The following TGFB1I1 variants were observed in gnomAD, a reference collection of about 807,000 sequenced individuals.
The protein encoded by TGFB1I1 is transforming growth factor beta 1 induced transcript 1.
In TGFB1I1, 33 loss-of-function variants were observed where a neutral mutation model predicts 52.0. The observed-to-expected ratio is 0.63, with a 90% CI of 0.48 to 0.85. TGFB1I1 has a LOEUF of 0.85. Among genes scored for constraint, TGFB1I1 ranks in the 40% least tolerant of loss-of-function variants. The pLI is 0.00. For missense variants in TGFB1I1, 577 were observed against 614.9 expected (o/e 0.94, Z 0.65); for synonymous variants, 236 against 253.3 (o/e 0.93, Z 0.65).
rs1012139976 is a variant in TGFB1I1, at chr16:31,477,780, A to C, written c.*204A>C. On this transcript the variant is annotated 3_prime_UTR_variant, in exon 11 of 11. Transcript: ENST00000394863. The surrounding 1 kb of genome is among the most constrained non-coding windows in gnomAD (Gnocchi z 4.7). Reference sequence around the variant, plus strand: ...CACACGCCCACAAAGTGGATTGCACACAGACAAGAACTCCCGTGCGGGCCT... The same window carrying C: ...CACACGCCCACAAAGTGGATTGCACCCAGACAAGAACTCCCGTGCGGGCCT... 4 of 656,412 alleles carry C rather than the reference A, an allele frequency of 6.1e-6. No individual in the cohort carries two copies. Among genetic ancestry groups the C allele is most frequent in the Admixed American group, 6.3e-5 (2 of 31,754 alleles). The allele number at this position is 656,412 out of a possible 1,614,324, so 40.7% of individuals were successfully genotyped here. A position where few individuals can be genotyped will look rare whatever the true frequency, so the allele number is the denominator to read the frequency against.
chr16:31,476,207 C>G lies in TGFB1I1; in HGVS notation c.888+22C>G, dbSNP rs752153675. On this transcript the variant is annotated intron_variant, in intron 8 of 10. Transcript: ENST00000394863. The surrounding 1 kb of genome is among the most constrained non-coding windows in gnomAD (Gnocchi z 7.6). The stretch of plus-strand genomic sequence containing the variant: ...ACACGTGAGCCCCGCCCGGCCGCAC[C>G]GAGCCCGCCCTATCTCACCAGGAGA... 3 of 1,604,370 alleles carry G rather than the reference C, an allele frequency of 1.9e-6. No individual in the cohort carries two copies. The highest frequency in any genetic ancestry group is 1.1e-5 in the South Asian group (1 of 90,326).
rs1277791466 is a variant in TGFB1I1, at chr16:31,474,061, C to T, written c.325+84C>T. 6.2e-7 allele frequency: 1 copy of T among 1,610,746 alleles called. No individual in the cohort carries two copies. The highest frequency in any genetic ancestry group is 8.5e-7 in the Non-Finnish European group (1 of 1,177,736). On this transcript the variant is annotated intron_variant, in intron 4 of 10. Transcript: ENST00000394863. The surrounding 1 kb of genome is among the most constrained non-coding windows in gnomAD (Gnocchi z 4.2). The stretch of plus-strand genomic sequence containing the variant: ...GCAGAGACTAAGAGGAATACACTTC[C>T]CAGAGTAGCAGTTAAAGGGACCTAA...
chr16:31,473,897 C>CTTGGGTA lies in TGFB1I1; in HGVS notation c.245_246insTTGGGTA (p.Ser83TrpfsTer12). 1 of 1,614,152 alleles carries CTTGGGTA rather than the reference C, an allele frequency of 6.2e-7. No individual in the cohort carries two copies. The highest frequency in any genetic ancestry group is 8.5e-7 in the Non-Finnish European group (1 of 1,180,036). The stretch of plus-strand genomic sequence containing the variant: ...CCGGCGGCCCCTCCATTCTCCTCTT[C>CTTGGGTA]CAGCGGTGTCTTGGGTACCGGGCTC... On this transcript the variant is annotated frameshift_variant, in exon 4 of 11. Coordinates refer to ENST00000394863, the MANE Select transcript of TGFB1I1 (RefSeq NM_001042454.3). LOFTEE classifies it high-confidence loss of function.
In TGFB1I1 at chr16:31,476,900, G is replaced by C. The variant is rs1246611864; in HGVS notation, c.1009G>C (p.Asp337His). 6.2e-7 allele frequency: 1 copy of C among 1,609,686 alleles called. No homozygotes were observed. Among genetic ancestry groups the C allele is most frequent in the Non-Finnish European group, 8.5e-7 (1 of 1,179,328 alleles). ...EREGRPYCRR[D>H]FLQLFAPRCQ... Reference sequence around the variant, plus strand: ...CGAGGGCCGCCCCTACTGCCGCCGGGACTTCCTGCAGCTGTTCGCCCCGCG... The same window carrying C: ...CGAGGGCCGCCCCTACTGCCGCCGGCACTTCCTGCAGCTGTTCGCCCCGCG... The change falls in exon 10 of 11, where the codon GAC (aspartate) becomes CAC (histidine). Residue 337 changes from aspartate to histidine, a missense_variant. By Grantham distance (81) the Asp-to-His change is moderately conservative. Around this residue, in one of 3 missense-constraint regions of TGFB1I1, gnomAD observed 456 missense variants for 461.6 expected, o/e 0.99. Transcript: ENST00000394863. This position sits in a 1 kb window ranked among gnomAD's most constrained non-coding sequence, Gnocchi z 7.6.
chr16:31,475,868 A>G, intron 7 of TGFB1I1, 144 bp from the exon 8 acceptor site: 2 of 879,164 alleles, frequency 2.3e-6, no homozygotes, highest in Non-Finnish European at 3.5e-6. Flanking sequence ...CTAGATCTCC[A>G]TCGCTTACAG....
In TGFB1I1 at chr16:31,474,460, G is replaced by A; in HGVS notation, c.519+5G>A. 2 of 1,614,154 alleles carry A rather than the reference G, an allele frequency of 1.2e-6. No individual in the cohort carries two copies. Among genetic ancestry groups the A allele is most frequent in the Non-Finnish European group, 8.5e-7 (1 of 1,180,030 alleles). ...GACTTCCGCGTTCAAAACCATGTGA[G>A]TTGGGCAGTGGGCCAGTGTCCATTT... On this transcript the variant is annotated splice_donor_5th_base_variant and intron_variant, in intron 6 of 10. Coordinates refer to ENST00000394863, the MANE Select transcript of TGFB1I1 (RefSeq NM_001042454.3). The surrounding 1 kb of genome is among the most constrained non-coding windows in gnomAD (Gnocchi z 4.2).
In TGFB1I1 at chr16:31,474,026, G is replaced by A. The variant is rs1018314656; in HGVS notation, c.325+49G>A. 3.3e-6 allele frequency: 4 copies of A among 1,198,346 alleles called. No individual in the cohort carries two copies. Among genetic ancestry groups the A allele is most frequent in the Non-Finnish European group, 4.8e-6 (4 of 826,802 alleles). 74.2% of individuals were successfully genotyped at this position (1,198,346 alleles called of 1,614,324 possible). The stretch of plus-strand genomic sequence containing the variant: ...CTTGATGCGATAGGGGCAGGGGAGG[G>A]AAGGGTGGGGCAGAGACTAAGAGGA... On this transcript the variant is annotated intron_variant, in intron 4 of 10. Transcript: ENST00000394863. This position sits in a 1 kb window ranked among gnomAD's most constrained non-coding sequence, Gnocchi z 4.2.
rs754691399 is a variant in TGFB1I1 at position 31,473,499 on chromosome 16, C to T, written c.72C>T (p.Pro24=). The T allele has an allele frequency of 4.3e-6, 7 of 1,613,780 alleles. No individual in the cohort carries two copies. Among genetic ancestry groups the T allele is most frequent in the African/African-American group, 2.7e-5 (2 of 74,914 alleles). ...CGCACATGCCAAGGTCAGGGGCTCC[C>T]AAAGAGCGCCCTGCGGAGCCTCTCA... ...TTSHMPRSGA[P]KERPAEPLTP... is the part of the protein sequence containing the mutation. Residue 24 remains proline (P), a synonymous_variant, in exon 2 of 11, where the codon CCC becomes CCT. Transcript: ENST00000394863.
At position 31,477,156 on chromosome 16, in the gene TGFB1I1, G is replaced by C; in HGVS notation, c.1119+146G>C. 2 of 1,422,970 alleles carry C rather than the reference G, an allele frequency of 1.4e-6. No individual in the cohort carries two copies. The highest frequency in any genetic ancestry group is 9.4e-7 in the Non-Finnish European group (1 of 1,069,442). The allele number at this position is 1,422,970 out of a possible 1,614,324, so 88.1% of individuals were successfully genotyped here. On this transcript the variant is annotated intron_variant, in intron 10 of 10. Coordinates refer to ENST00000394863, the MANE Select transcript of TGFB1I1 (RefSeq NM_001042454.3). This position sits in a 1 kb window ranked among gnomAD's most constrained non-coding sequence, Gnocchi z 4.7. ...ACGGGAGGTGCTGCTAGGAACCTCG[G>C]GTGGGGCGAGTTTTCCGGGCAGGGT...
At position 31,477,905 on chromosome 16, in the gene TGFB1I1, C is replaced by A. The variant is rs1206007765; in HGVS notation, c.*329C>A. On this transcript the variant is annotated 3_prime_UTR_variant, in exon 11 of 11. Coordinates refer to ENST00000394863, the MANE Select transcript of TGFB1I1 (RefSeq NM_001042454.3). This position sits in a 1 kb window ranked among gnomAD's most constrained non-coding sequence, Gnocchi z 4.7. ...GGCCAGGACGTCCTTGCTCCCTGCA[C>A]CCTCACTGTTCTGTGCACTTTTTCT... 1 of 412,666 alleles carries A rather than the reference C, an allele frequency of 2.4e-6. No individual in the cohort carries two copies. The highest frequency in any genetic ancestry group is 4.2e-5 in the Admixed American group (1 of 23,910). 25.6% of individuals were successfully genotyped at this position (412,666 alleles called of 1,614,324 possible).
chr16:31,477,134 G>A lies in TGFB1I1; in HGVS notation c.1119+124G>A. On this transcript the variant is annotated intron_variant, in intron 10 of 10. Coordinates refer to ENST00000394863, the MANE Select transcript of TGFB1I1 (RefSeq NM_001042454.3). This position sits in a 1 kb window ranked among gnomAD's most constrained non-coding sequence, Gnocchi z 4.7. The stretch of plus-strand genomic sequence containing the variant: ...CGGGCCCTCGGGGGGGCGGGTCACG[G>A]GAGGTGCTGCTAGGAACCTCGGGTG... 1 of 1,401,226 alleles carries A rather than the reference G, an allele frequency of 7.1e-7. No homozygotes were observed. Among genetic ancestry groups the A allele is most frequent in the Non-Finnish European group, 9.5e-7 (1 of 1,054,714 alleles). 86.8% of individuals were successfully genotyped at this position (1,401,226 alleles called of 1,614,324 possible).
intron 1 of TGFB1I1, 51 bp downstream of exon 1, chr16:31,472,252 C>T (rs1461263903): frequency 7.0e-6 from 10 of 1,437,916 alleles, no homozygotes; most frequent in Non-Finnish European, 9.1e-6. Context: ...CTGCCCAGAG[C>T]TGCCTCCCCG....
chr16:31,475,101 T>A (rs982440121), intron 7 of TGFB1I1: 15 of 303,056 alleles, frequency 4.9e-5, no homozygotes, highest in South Asian at 9.5e-5. Context: ...TCCGTCAGAG[T>A]CTGGACTGGG....
intron 1 of TGFB1I1, 115 bp downstream of exon 1, chr16:31,472,316 T>C: frequency 1.5e-6 from 2 of 1,347,846 alleles, no homozygotes; most frequent in South Asian, 2.0e-5. Context: ...GCTTTTCGCC[T>C]CTGCCCGCGC....
rs1454116356 is a variant in TGFB1I1, at chr16:31,477,608, G to C, written c.*32G>C. 1.3e-6 allele frequency: 2 copies of C among 1,561,616 alleles called. No homozygotes were observed. The highest frequency in any genetic ancestry group is 8.6e-7 in the Non-Finnish European group (1 of 1,157,064). On this transcript the variant is annotated 3_prime_UTR_variant, in exon 11 of 11. Transcript: ENST00000394863. This position sits in a 1 kb window ranked among gnomAD's most constrained non-coding sequence, Gnocchi z 4.7. ...GCTCGGCTCGCCCTCTCCCCCGGAG[G>C]CCGCGCCCTCCCGGAAAAGCCGGGT...
In TGFB1I1 at chr16:31,477,790, AC is replaced by A. The variant is rs1596613987; in HGVS notation, c.*215del. On this transcript the variant is annotated 3_prime_UTR_variant, in exon 11 of 11. Transcript: ENST00000394863. The surrounding 1 kb of genome is among the most constrained non-coding windows in gnomAD (Gnocchi z 4.7). ...CAAAGTGGATTGCACACAGACAAGA[AC>A]TCCCGTGCGGGCCTCCACTCTATTC... The A allele has an allele frequency of 1.6e-6, 1 of 617,038 alleles. No homozygotes were observed. Among genetic ancestry groups the A allele is most frequent in the East Asian group, 3.0e-5 (1 of 33,510 alleles). 38.2% of individuals were successfully genotyped at this position (617,038 alleles called of 1,614,324 possible).
Position 31,477,122 on chromosome 16 carries a change from G to T in TGFB1I1, c.1119+112G>T. Reference sequence around the variant, plus strand: ...CAGGGCAGGGGGCGGGCCCTCGGGGGGGCGGGTCACGGGAGGTGCTGCTAG... The same window carrying T: ...CAGGGCAGGGGGCGGGCCCTCGGGGTGGCGGGTCACGGGAGGTGCTGCTAG... On this transcript the variant is annotated intron_variant, in intron 10 of 10. Transcript: ENST00000394863. This position sits in a 1 kb window ranked among gnomAD's most constrained non-coding sequence, Gnocchi z 4.7. 1 of 1,385,136 alleles carries T rather than the reference G, an allele frequency of 7.2e-7. No individual in the cohort carries two copies. The highest frequency in any genetic ancestry group is 1.4e-5 in the African/African-American group (1 of 69,126). The allele number at this position is 1,385,136 out of a possible 1,614,324, so 85.8% of individuals were successfully genotyped here.
rs1370573508 is a variant in TGFB1I1 at position 31,477,062 on chromosome 16, G to T, written c.1119+52G>T. ...AGGGGCGGGTCAAGGGTACAGGGCT[G>T]TGGGGCGGGGCCTTGGAGGGGCGGG... On this transcript the variant is annotated intron_variant, in intron 10 of 10. Transcript: ENST00000394863. This position sits in a 1 kb window ranked among gnomAD's most constrained non-coding sequence, Gnocchi z 4.7. 1 of 1,501,590 alleles carries T rather than the reference G, an allele frequency of 6.7e-7. No individual in the cohort carries two copies. 93.0% of individuals were successfully genotyped at this position (1,501,590 alleles called of 1,614,324 possible).
At chr16:31,473,303 G>A (rs2082401779) in intron 1 of TGFB1I1, 138 bp from the exon 2 acceptor site, 1 of 1,443,580 alleles carries the variant, frequency 6.9e-7, no homozygotes, top group East Asian at 2.5e-5. Context: ...CCTTCGAGCA[G>A]TGCTCTGCCT....
Sources: allele counts gnomAD v4.1 joint callset, GRCh38; gene constraint gnomAD v4.1.1; regional missense constraint gnomAD v4.1.1; non-coding constraint Gnocchi (gnomAD v3.1); transcripts MANE v1.5; gene names NCBI Gene and HGNC (gene_info 2026-07-23, HGNC 2026-07-21).